LRRTM4: variants seen among roughly 807,000 people sequenced by gnomAD.
LRRTM4 encodes leucine-rich repeat transmembrane neuronal protein 4.
A neutral mutation model predicts 47.6 loss-of-function variants in LRRTM4; 25 were observed. The ratio of observed to expected loss-of-function variants is 0.53; its 90% confidence interval spans 0.38 to 0.73. The LOEUF (loss-of-function observed/expected upper bound fraction) is 0.73. Ranked by LOEUF, LRRTM4 falls within the 30% of genes least tolerant of loss-of-function variation. The pLI is 0.00. For synonymous variants in LRRTM4, 311 were observed against 269.5 expected (o/e 1.15, Z -1.51); for missense variants, 638 against 713.4 (o/e 0.89, Z 1.20).
At chr2:77,202,183 T>A (rs964497671) in intron 3 of LRRTM4, among the ~76,000 whole-genome samples, 1 of 152,114 alleles carries the variant, frequency 6.6e-6, no homozygotes, top group Non-Finnish European at 1.5e-5. Context: ...AAAAGTGATT[T>A]GTGTAAACTT....
At chr2:77,232,640 AT>A (rs1312376680) in intron 3 of LRRTM4, among the ~76,000 whole-genome samples, 1 of 152,196 alleles carries the variant, frequency 6.6e-6, no homozygotes, top group Non-Finnish European at 1.5e-5. Flanking sequence ...TATCTCTGAA[AT>A]TTCCCTATTA....
intron 3 of LRRTM4, among the ~76,000 whole-genome samples, chr2:77,263,617 T>C (rs1165053599): frequency 1.3e-5 from 2 of 152,136 alleles, no homozygotes; most frequent in Non-Finnish European, 2.9e-5. Flanking sequence ...GTATCAGAAG[T>C]AAAGTGTTAA....
chr2:77,500,692 C>G (rs1573499159), intron 3 of LRRTM4, among the ~76,000 whole-genome samples: 2 of 151,610 alleles, frequency 1.3e-5, no homozygotes, highest in East Asian at 3.9e-4. Flanking sequence ...GATAATCATT[C>G]ACTCCGTATT....
At chr2:77,012,329 G>T (rs1231254587) in intron 3 of LRRTM4, among the ~76,000 whole-genome samples, 1 of 151,962 alleles carries the variant, frequency 6.6e-6, no homozygotes. Context: ...TAACACAGAG[G>T]TTTGAAACGG....
At chr2:77,029,797 A>C (rs1291100944) in intron 3 of LRRTM4, among the ~76,000 whole-genome samples, 1 of 152,220 alleles carries the variant, frequency 6.6e-6, no homozygotes, top group African/African-American at 2.4e-5. Context: ...TTGTTTTGTA[A>C]AAAAGGAATC....
At chr2:77,335,675 T>G (rs930110376) in intron 3 of LRRTM4, among the ~76,000 whole-genome samples, 1 of 152,216 alleles carries the variant, frequency 6.6e-6, no homozygotes, top group Non-Finnish European at 1.5e-5. Context: ...ATTATTGTTC[T>G]TGGAGCTTAA....
chr2:76,800,280 G>A (rs898534753), intron 3 of LRRTM4, among the ~76,000 whole-genome samples: 2 of 149,444 alleles, frequency 1.3e-5, no homozygotes, highest in African/African-American at 5.0e-5. Flanking sequence ...ACAGAACAGA[G>A]CCCTCAGAAA....
At chr2:77,008,042 T>C (rs1677723810) in intron 3 of LRRTM4, among the ~76,000 whole-genome samples, 1 of 152,182 alleles carries the variant, frequency 6.6e-6, no homozygotes. Context: ...AGAAGGAAAA[T>C]GTAAACCACA....
chr2:77,072,021 G>C (rs1271559249), intron 3 of LRRTM4, among the ~76,000 whole-genome samples: 1 of 152,006 alleles, frequency 6.6e-6, no homozygotes, highest in African/African-American at 2.4e-5. Flanking sequence ...CAACTCCTCT[G>C]TCCCTCAAAA....
chr2:76,819,458 T>G (rs1477904407), intron 3 of LRRTM4, among the ~76,000 whole-genome samples: 1 of 151,910 alleles, frequency 6.6e-6, no homozygotes, highest in Non-Finnish European at 1.5e-5. Context: ...AAACATTCTA[T>G]AATTAAAAAC....
chr2:77,229,611 T>C (rs1484421672), intron 3 of LRRTM4, among the ~76,000 whole-genome samples: 2 of 152,118 alleles, frequency 1.3e-5, no homozygotes, highest in African/African-American at 4.8e-5. Flanking sequence ...GAGAAAAGTA[T>C]GTTGACAACT....
chr2:77,126,034 A>G (rs1185826066), intron 3 of LRRTM4, among the ~76,000 whole-genome samples: 1 of 151,558 alleles, frequency 6.6e-6, no homozygotes, highest in Non-Finnish European at 1.5e-5. Context: ...TGTGCACTTT[A>G]TATATATAGG....
intron 3 of LRRTM4, among the ~76,000 whole-genome samples, chr2:76,796,739 T>C (rs1489440277): frequency 6.6e-6 from 1 of 150,736 alleles, no homozygotes; most frequent in Non-Finnish European, 1.5e-5. Flanking sequence ...CTGGAAACTC[T>C]GAAAAGCAGA....
At chr2:77,175,212 G>GGT (rs1479467010) in intron 3 of LRRTM4, among the ~76,000 whole-genome samples, 2 of 151,740 alleles carry the variant, frequency 1.3e-5, no homozygotes, top group African/African-American at 2.4e-5. Flanking sequence ...TAGGATTACA[G>GGT]GTGTGCACCA....
chr2:76,812,794 C>CCCCTTCCTCCTCCTCTCCCTCCA (rs1558670816), intron 3 of LRRTM4, among the ~76,000 whole-genome samples: 17 of 126,314 alleles, frequency 1.3e-4, no homozygotes, highest in Non-Finnish European at 2.3e-4. Context: ...CTCTCCCTCC[C>CCCCTTCCTCCTCCTCTCCCTCCA]CCCCCTCCTC....
At chr2:77,116,880 T>G (rs1255528880) in intron 3 of LRRTM4, among the ~76,000 whole-genome samples, 1 of 152,072 alleles carries the variant, frequency 6.6e-6, no homozygotes, top group Non-Finnish European at 1.5e-5. Flanking sequence ...TACCAAGTTG[T>G]GCAACAATCA....
intron 3 of LRRTM4, among the ~76,000 whole-genome samples, chr2:77,261,040 T>C (rs1032783534): frequency 6.6e-6 from 1 of 152,066 alleles, no homozygotes. Flanking sequence ...ATGAGTATTG[T>C]GTGTAGCCTA....
chr2:76,874,896 AT>A (rs1336287728), intron 3 of LRRTM4, among the ~76,000 whole-genome samples: 6 of 151,356 alleles, frequency 4.0e-5, no homozygotes, highest in African/African-American at 1.5e-4. Context: ...CAGTTATAAA[AT>A]TTGAATATTC....
At chr2:76,937,670 G>T (rs559054356) in intron 3 of LRRTM4, among the ~76,000 whole-genome samples, 2 of 152,200 alleles carry the variant, frequency 1.3e-5, no homozygotes, top group Non-Finnish European at 2.9e-5. Flanking sequence ...CCGTGGGCAA[G>T]CGATTCCCCT....
Sources: allele counts gnomAD v4.1 joint callset (sites outside exome capture counted in the v4.1 genomes callset), GRCh38; gene constraint gnomAD v4.1.1; transcripts MANE v1.5; gene names NCBI Gene and HGNC (gene_info 2026-07-23, HGNC 2026-07-21).